Variants in FANCB observed in about 807,000 individuals in gnomAD.
FANCB encodes the protein FA complementation group B, also known as Fanconi anemia group B protein.
Under a neutral mutation model 38.9 loss-of-function variants are expected in FANCB, and 5 were observed. That is an observed-to-expected ratio of 0.13 (90% CI 0.07 to 0.27). The LOEUF (loss-of-function observed/expected upper bound fraction) is 0.27. FANCB is among the 10% of genes least tolerant of loss of function. FANCB has a pLI of 1.00. For synonymous variants in FANCB, 236 were observed against 215.4 expected, an observed-to-expected ratio of 1.10 and a Z score of -0.84; for missense variants, 573 against 602.7, an observed-to-expected ratio of 0.95 and a Z score of 0.52.
At chrX:14,813,107 A>G in the FANCB span, among the ~76,000 whole-genome samples, 2 of 106,966 alleles carry the variant, frequency 1.9e-5, no homozygotes, top group African/African-American at 7.0e-5. Context: ...CTTTGACAAA[A>G]TTCAACAACC....
chrX:14,775,128 G>A, the FANCB span, among the ~76,000 whole-genome samples: 1 of 101,049 alleles, frequency 9.9e-6, no homozygotes, highest in Non-Finnish European at 2.0e-5. Flanking sequence ...CACCGCACCC[G>A]GCCTCCACTC....
the FANCB span, among the ~76,000 whole-genome samples, chrX:14,698,681 C>CAAAAA: frequency 9.5e-5 from 2 of 21,123 alleles, no homozygotes; most frequent in African/African-American, 1.8e-4. Flanking sequence ...CTATCTATCT[C>CAAAAA]AAAAAAAAAA....
At chrX:14,721,306 TAAAAG>T in the FANCB span, among the ~76,000 whole-genome samples, 1 of 93,906 alleles carries the variant, frequency 1.1e-5, no homozygotes, top group Non-Finnish European at 2.1e-5. Flanking sequence ...TCAAAATTGC[TAAAAG>T]AATAGATTTT....
At chrX:14,801,840 G>A in the FANCB span, among the ~76,000 whole-genome samples, 1 of 110,718 alleles carries the variant, frequency 9.0e-6, no homozygotes, top group South Asian at 3.9e-4. Context: ...AGGCCATGAG[G>A]ACTGAGGACT....
At chrX:14,714,060 T>C in the FANCB span, among the ~76,000 whole-genome samples, 1 of 111,020 alleles carries the variant, frequency 9.0e-6, no homozygotes, top group African/African-American at 3.3e-5. Flanking sequence ...CAAGAAGTTA[T>C]TAGGTTCTGG....
At chrX:14,844,438 CCA>C in intron 9 of FANCB, 63 bp downstream of exon 9, 1 of 796,381 alleles carries the variant, frequency 1.3e-6, no homozygotes, top group Non-Finnish European at 1.9e-6. Flanking sequence ...CGCTGTTGAA[CCA>C]CACATTGATC....
chrX:14,705,029 T>G, the FANCB span, among the ~76,000 whole-genome samples: 1 of 112,472 alleles, frequency 8.9e-6, no homozygotes, highest in Admixed American at 9.4e-5. Context: ...GCAGCATTTG[T>G]AAAGTTCATT....
the FANCB span, among the ~76,000 whole-genome samples, chrX:14,692,432 A>C: frequency 8.9e-6 from 1 of 112,075 alleles, no homozygotes; most frequent in Non-Finnish European, 1.9e-5. Flanking sequence ...CAGAGTTAAA[A>C]GAATTCATGC....
At chrX:14,719,081 G>A in the FANCB span, among the ~76,000 whole-genome samples, 1 of 111,736 alleles carries the variant, frequency 8.9e-6, no homozygotes, top group African/African-American at 3.3e-5. Flanking sequence ...TGCAAAATAT[G>A]CTCACTCCCT....
At chrX:14,725,795 A>C in the FANCB span, among the ~76,000 whole-genome samples, 4 of 112,191 alleles carry the variant, frequency 3.6e-5, no homozygotes, top group Admixed American at 2.8e-4. Context: ...AAATACATAA[A>C]ATTAGATAAT....
the FANCB span, among the ~76,000 whole-genome samples, chrX:14,766,454 T>C: frequency 9.0e-6 from 1 of 111,525 alleles, no homozygotes; most frequent in South Asian, 3.7e-4. Flanking sequence ...TGTTCTTCCT[T>C]CAAAACAATA....
At chrX:14,864,061 G>T (rs1479141433) in intron 3 of FANCB, among the ~76,000 whole-genome samples, 1 of 110,774 alleles carries the variant, frequency 9.0e-6, no homozygotes, top group Non-Finnish European at 1.9e-5. Context: ...CTTGAACCTG[G>T]GAGGTAGAGG....
chrX:14,762,973 G>C, the FANCB span, among the ~76,000 whole-genome samples: 1 of 112,277 alleles, frequency 8.9e-6, no homozygotes, highest in East Asian at 2.8e-4. Context: ...TTGTGGGGCA[G>C]TGAGTAATCT....
At chrX:14,829,320 A>G in the FANCB span, among the ~76,000 whole-genome samples, 5 of 111,507 alleles carry the variant, frequency 4.5e-5, no homozygotes, top group African/African-American at 1.6e-4. Flanking sequence ...GCACAGGAAG[A>G]ATAGATTTAA....
chrX:14,866,204 A>C (rs2092469186), intron 2 of FANCB, among the ~76,000 whole-genome samples: 1 of 112,167 alleles, frequency 8.9e-6, no homozygotes, highest in Non-Finnish European at 1.9e-5. Flanking sequence ...TAGTTTACAA[A>C]GGCAATGCAT....
chrX:14,782,244 G>C, the FANCB span, among the ~76,000 whole-genome samples: 1 of 111,279 alleles, frequency 9.0e-6, no homozygotes, highest in Non-Finnish European at 1.9e-5. Flanking sequence ...TCAAAGATGG[G>C]GCAGAGCCCA....
chrX:14,861,540 T>C (rs2092446852), intron 3 of FANCB, among the ~76,000 whole-genome samples: 1 of 111,464 alleles, frequency 9.0e-6, no homozygotes, highest in South Asian at 3.7e-4. Flanking sequence ...CTTTCTATTT[T>C]GGGGGAAAAC....
At chrX:14,835,639 T>C (rs954904938), downstream of FANCB, among the ~76,000 whole-genome samples, 2 of 111,659 alleles carry the variant, frequency 1.8e-5, no homozygotes, top group Non-Finnish European at 3.8e-5. Context: ...GACCACACTT[T>C]GAGAACCACT....
intron 1 of FANCB, among the ~76,000 whole-genome samples, chrX:14,872,635 G>C (rs866949860): frequency 9.6e-5 from 7 of 72,570 alleles, no homozygotes; most frequent in African/African-American, 1.1e-4. Context: ...TGGTAAAACC[G>C]CCCCCCCCAC....
Sources: gnomAD v4.1 joint callset for allele counts (sites outside exome capture counted in the v4.1 genomes callset) on GRCh38, gnomAD v4.1.1 for gene constraint, MANE v1.5 for transcripts, NCBI Gene and HGNC (gene_info 2026-07-23, HGNC 2026-07-21) for gene names.